The following SEMA3E variants were observed in gnomAD, a reference collection of about 807,000 sequenced individuals.
The protein encoded by SEMA3E is semaphorin 3E.
Under a neutral mutation model 93.6 loss-of-function variants are expected in SEMA3E, and 49 were observed. The observed-to-expected ratio is 0.52, with a 90% CI of 0.42 to 0.66. The LOEUF is 0.66. Ranked by LOEUF, SEMA3E falls within the 30% of genes least tolerant of loss-of-function variation. The pLI, the probability that SEMA3E is intolerant of heterozygous loss-of-function variation, is 0.00. For missense variants in SEMA3E, 906 were observed against 964.8 expected, an observed-to-expected ratio of 0.94 and a Z score of 0.81; for synonymous variants, 363 against 330.7, an observed-to-expected ratio of 1.10 and a Z score of -1.06.
rs917883602 is a variant in SEMA3E at position 83,648,818 on chromosome 7, A to G, written c.-276T>C. The G allele has an allele frequency of 1.4e-5, 6 of 418,900 alleles. No homozygotes were observed. Among genetic ancestry groups the G allele is most frequent in the Non-Finnish European group, 2.6e-5 (6 of 229,568 alleles). 25.9% of individuals were successfully genotyped at this position (418,900 alleles called of 1,614,324 possible). On this transcript the variant is annotated 5_prime_UTR_variant, in exon 1 of 17. Transcript: ENST00000643230. ...GTCCTGTCTAGAGCGCTCTTCAGCA[A>G]CTACGCCGGTAGATTCAGGAAGAAG... is the stretch of plus-strand genomic sequence containing the variant.
intron 1 of SEMA3E, among the ~76,000 whole-genome samples, chr7:83,647,089 T>C (rs781526130): frequency 1.3e-5 from 2 of 152,262 alleles, no homozygotes; most frequent in East Asian, 1.9e-4. Flanking sequence ...AGTTAAAAGA[T>C]TAGTGTTAAT....
At position 83,593,260 on chromosome 7, in the gene SEMA3E, G is replaced by GTCTCTCTCTC. The variant is rs1186592715; in HGVS notation, c.115+55158_115+55167dup. 4.8e-4 allele frequency among the ~76,000 whole-genome samples: 46 copies of GTCTCTCTCTC among 96,352 alleles called. 1 individual carries two copies. The highest frequency in any genetic ancestry group is 1.6e-3 in the African/African-American group (35 of 21,430). 63.2% of individuals were successfully genotyped at this position (96,352 alleles called of 152,430 possible). Reference sequence around the variant, plus strand: ...TCTTTCGCTCTTTCTCTCTCTCTCTGTCTCTCTCTCTCTCTCTCTCTCTCT... The same window carrying GTCTCTCTCTC: ...TCTTTCGCTCTTTCTCTCTCTCTCTGTCTCTCTCTCTCTCTCTCTCTCTCTCTCTCTCTCT... On this transcript the variant is annotated intron_variant, in intron 1 of 16. Transcript: ENST00000643230.
At chr7:83,478,394 A>T (rs1790067442) in intron 2 of SEMA3E, among the ~76,000 whole-genome samples, 1 of 152,110 alleles carries the variant, frequency 6.6e-6, no homozygotes, top group African/African-American at 2.4e-5. Context: ...TTCATTTTTT[A>T]TTTTTTCATG....
At chr7:83,601,775 T>C (rs1307987970) in intron 1 of SEMA3E, among the ~76,000 whole-genome samples, 1 of 152,202 alleles carries the variant, frequency 6.6e-6, no homozygotes, top group Non-Finnish European at 1.5e-5. Context: ...CTTAATGTAC[T>C]GTCAGGTCCT....
chr7:83,410,431 A>G (rs1788416846), intron 5 of SEMA3E, among the ~76,000 whole-genome samples: 1 of 152,090 alleles, frequency 6.6e-6, no homozygotes, highest in Admixed American at 6.6e-5. Context: ...AACAAAAACT[A>G]AATGACTATT....
chr7:83,549,663 A>G (rs1791720443), intron 1 of SEMA3E, among the ~76,000 whole-genome samples: 2 of 152,074 alleles, frequency 1.3e-5, no homozygotes, highest in South Asian at 4.1e-4. Flanking sequence ...ACTATTAAAG[A>G]TAAACAGTAA....
intron 1 of SEMA3E, among the ~76,000 whole-genome samples, chr7:83,647,540 C>T (rs1019452187): frequency 6.6e-6 from 1 of 152,144 alleles, no homozygotes; most frequent in Non-Finnish European, 1.5e-5. Flanking sequence ...AAGTCACTTT[C>T]TCTGAGCATG....
chr7:83,409,900 A>G (rs1037958914), intron 5 of SEMA3E, among the ~76,000 whole-genome samples: 11 of 151,776 alleles, frequency 7.2e-5, no homozygotes, highest in African/African-American at 2.6e-4. Flanking sequence ...ATGATCAATT[A>G]AATTATATAT....
rs1794655071 is a variant in SEMA3E at position 83,365,610 on chromosome 7, T to C, written c.*1976A>G. ...TGCCTATTGCTTCAGTTACCAAATA[T>C]TTAGTTTACAAGTTACACCATTGTT... On this transcript the variant is annotated 3_prime_UTR_variant, in exon 17 of 17. Transcript: ENST00000643230. The C allele has an allele frequency of 6.6e-6, 1 of 152,308 alleles. No homozygotes were observed. The highest frequency in any genetic ancestry group is 1.5e-5 in the Non-Finnish European group (1 of 68,006). The allele number at this position is 152,308 out of a possible 1,614,324, so 9.4% of individuals were successfully genotyped here.
chr7:83,471,260 A>G (rs372578985), intron 2 of SEMA3E, among the ~76,000 whole-genome samples: 9 of 151,654 alleles, frequency 5.9e-5, no homozygotes, highest in African/African-American at 7.2e-5. Context: ...ATTAGTAAGT[A>G]AAGTTCAGAA....
intron 13 of SEMA3E, among the ~76,000 whole-genome samples, chr7:83,393,247 T>C (rs1788053369): frequency 6.6e-6 from 1 of 152,044 alleles, no homozygotes; most frequent in Non-Finnish European, 1.5e-5. Flanking sequence ...TAGAAACGGC[T>C]GGGTTTATGC....
intron 4 of SEMA3E, among the ~76,000 whole-genome samples, chr7:83,428,987 C>T (rs1306687960): frequency 6.6e-6 from 1 of 151,978 alleles, no homozygotes; most frequent in Non-Finnish European, 1.5e-5. Context: ...ACCCACTTTA[C>T]TTATTGTAGT....
At chr7:83,457,999 C>G (rs1255388651) in intron 4 of SEMA3E, among the ~76,000 whole-genome samples, 6 of 151,840 alleles carry the variant, frequency 4.0e-5, no homozygotes, top group African/African-American at 1.5e-4. Context: ...AAATCTCATA[C>G]TGCTTTTATT....
chr7:83,625,157 G>A lies in SEMA3E; in HGVS notation c.115+23271C>T, dbSNP rs185193209. 6.1e-3 allele frequency among the ~76,000 whole-genome samples: 923 copies of A among 152,218 alleles called. 10 individuals carry two copies. The highest frequency in any genetic ancestry group is 0.021 in the African/African-American group (889 of 41,534). On this transcript the variant is annotated intron_variant, in intron 1 of 16. Transcript: ENST00000643230. ...GCAGTATAGTTTGAAGTCAGGTAGCGTGATGCCTCCAGCTTTGTTCTTTTT... is the reference window on the plus strand; with the variant it reads ...GCAGTATAGTTTGAAGTCAGGTAGCATGATGCCTCCAGCTTTGTTCTTTTT...
chr7:83,622,479 GAT>G (rs767477274), intron 1 of SEMA3E, among the ~76,000 whole-genome samples: 18 of 151,998 alleles, frequency 1.2e-4, no homozygotes, highest in Non-Finnish European at 2.1e-4. Context: ...TCCATTACTG[GAT>G]ATATACCCAA....
At chr7:83,391,331 C>T (rs1788013955) in intron 14 of SEMA3E, among the ~76,000 whole-genome samples, 1 of 152,146 alleles carries the variant, frequency 6.6e-6, no homozygotes, top group Admixed American at 6.6e-5. Flanking sequence ...TTCCATTCTT[C>T]ACTTTAGGTT....
intron 4 of SEMA3E, among the ~76,000 whole-genome samples, chr7:83,419,452 T>G (rs1788629452): frequency 6.6e-6 from 1 of 152,158 alleles, no homozygotes; most frequent in South Asian, 2.1e-4. Context: ...TACCCAGTAA[T>G]TGGGATTGCA....
chr7:83,637,789 C>CTT (rs202153375), intron 1 of SEMA3E, among the ~76,000 whole-genome samples: 12,258 of 128,832 alleles, frequency 0.095, 734 homozygotes, highest in Non-Finnish European at 0.13. Context: ...TCTGGCAGTT[C>CTT]TTTTTTTTTT....
At chr7:83,401,855 C>T (rs2709928) in intron 10 of SEMA3E, among the ~76,000 whole-genome samples, 86,827 of 151,840 alleles carry the variant, frequency 0.57, 28,478 homozygotes, top group East Asian at 0.85. Flanking sequence ...CTCTCCATAG[C>T]TCACATAGCA....
Sources: gnomAD v4.1 joint callset for allele counts (sites outside exome capture counted in the v4.1 genomes callset) on GRCh38, gnomAD v4.1.1 for gene constraint, MANE v1.5 for transcripts, NCBI Gene and HGNC (gene_info 2026-07-23, HGNC 2026-07-21) for gene names.